The following ZNF799 variants were observed in gnomAD, a reference collection of about 807,000 sequenced individuals.
ZNF799 encodes zinc finger protein 799.
Under a neutral mutation model 41.0 loss-of-function variants are expected in ZNF799, and 28 were observed. The ratio of observed to expected loss-of-function variants is 0.68; its 90% CI spans 0.51 to 0.94. The LOEUF (loss-of-function observed/expected upper bound fraction) is 0.94, where lower values mean the gene tolerates loss of function less well. ZNF799 is among the 40% of genes least tolerant of loss of function. ZNF799 has a pLI of 0.00. For missense variants in ZNF799, 716 were observed against 764.3 expected, an observed-to-expected ratio of 0.94 and a Z score of 0.74; for synonymous variants, 213 against 252.9, an observed-to-expected ratio of 0.84 and a Z score of 1.50.
At position 12,390,662 on chromosome 19, in the gene ZNF799, T is replaced by G. The variant is rs1434483454; in HGVS notation, c.1736A>C (p.Glu579Ala). 6.2e-7 allele frequency: 1 copy of G among 1,613,886 alleles called. No individual in the cohort carries two copies. Among genetic ancestry groups the G allele is most frequent in the East Asian group, 2.2e-5 (1 of 44,874 alleles). ...FTHSRFLQGH[E>A]KTHTGENPYE... is the part of the protein sequence containing the mutation. ...CGGGTTCTCTCCAGTATGAGTTTTT[T>G]CATGTCCTTGAAGAAAACGGGAATG... Residue 579 changes from glutamate (E) to alanine (A), a missense_variant, in exon 4 of 4, where the codon GAA becomes GCA. Transcript: ENST00000430385.
chr19:12,402,416 C>CTTTTTTTTTTTTTTTTTTTTT (rs745521629), upstream of ZNF799, among the ~76,000 whole-genome samples: 7 of 125,048 alleles, frequency 5.6e-5, no homozygotes, highest in Non-Finnish European at 8.1e-5. Context: ...CCCTTTATTT[C>CTTTTTTTTTTTTTTTTTTTTT]TTTTTTTTTT....
At chr19:12,399,298 C>A (rs11882620) in intron 1 of ZNF799, among the ~76,000 whole-genome samples, 8,750 of 152,158 alleles carry the variant, frequency 0.058, 398 homozygotes, top group African/African-American at 0.12. Flanking sequence ...ACTACCTCAA[C>A]GGGCAGGTTC....
At chr19:12,413,581 T>C in the ZNF799 span, among the ~76,000 whole-genome samples, 1 of 152,340 alleles carries the variant, frequency 6.6e-6, no homozygotes, top group Non-Finnish European at 1.5e-5. Context: ...AAATAAAAGA[T>C]AAGTCTTTGT....
the ZNF799 span, among the ~76,000 whole-genome samples, chr19:12,411,435 C>A: frequency 6.6e-6 from 1 of 152,048 alleles, no homozygotes; most frequent in African/African-American, 2.4e-5. Flanking sequence ...TATTAGCAGG[C>A]AACGATATAA....
chr19:12,411,774 C>A, the ZNF799 span, among the ~76,000 whole-genome samples: 50,460 of 151,506 alleles, frequency 0.33, 8,948 homozygotes, highest in South Asian at 0.51. Flanking sequence ...CACCACACCC[C>A]GCTAATTTTT....
chr19:12,406,779 A>T, the ZNF799 span, among the ~76,000 whole-genome samples: 1 of 151,950 alleles, frequency 6.6e-6, no homozygotes, highest in African/African-American at 2.4e-5. Flanking sequence ...GGGCGCCTGT[A>T]GTCCCAGCTA....
rs771100504 is a variant in ZNF799, at chr19:12,391,708, A to C, written c.690T>G (p.Cys230Trp). ...TGEKPYECKQ[C>W]SKAFSFYSSY... ...AACTGTAAAAAGAAAAGGCTTTAGA[A>C]CACTGCTTACATTCATATGGTTTCT... The change falls in exon 4 of 4, where the codon TGT (cysteine) becomes TGG (tryptophan). Residue 230 changes from cysteine (C) to tryptophan (W), a missense_variant. Transcript: ENST00000430385. 6 of 1,614,110 alleles carry C rather than the reference A, an allele frequency of 3.7e-6. No individual in the cohort carries two copies. The highest frequency in any genetic ancestry group is 5.1e-6 in the Non-Finnish European group (6 of 1,180,016).
In ZNF799 at chr19:12,392,012, T is replaced by G; in HGVS notation, c.386A>C (p.Lys129Thr). Reference sequence around the variant, plus strand: ...TCCACATTCATGATACTCATATGGTTTGTGCCCAGCACCAACTCTGATGTA... The same window carrying G: ...TCCACATTCATGATACTCATATGGTGTGTGCCCAGCACCAACTCTGATGTA... Reference protein sequence around the residue: ...NCYIRVGAGHKPYEYHECGEK... With the variant: ...NCYIRVGAGHTPYEYHECGEK... Residue 129 changes from lysine to threonine, a missense_variant, in exon 4 of 4, where the codon AAA becomes ACA. Transcript: ENST00000430385. 1 of 1,614,224 alleles carries G rather than the reference T, an allele frequency of 6.2e-7. No homozygotes were observed. Among genetic ancestry groups the G allele is most frequent in the South Asian group, 1.1e-5 (1 of 91,082 alleles).
the ZNF799 span, among the ~76,000 whole-genome samples, chr19:12,413,026 C>A: frequency 8.1e-6 from 1 of 123,508 alleles, no homozygotes; most frequent in Admixed American, 1.0e-4. Context: ...CAGCATGGGC[C>A]ATAGAGCAAG....
At chr19:12,404,593 G>T (rs1970017452), upstream of ZNF799, among the ~76,000 whole-genome samples, 1 of 152,032 alleles carries the variant, frequency 6.6e-6, no homozygotes. Flanking sequence ...CCGGCCCTCA[G>T]TGCCAGTCTT....
In ZNF799 at chr19:12,391,006, T is replaced by G; in HGVS notation, c.1392A>C (p.Gln464His). 1.2e-6 allele frequency: 2 copies of G among 1,614,148 alleles called. No individual in the cohort carries two copies. Among genetic ancestry groups the G allele is most frequent in the South Asian group, 1.1e-5 (1 of 91,082 alleles). Residue 464 changes from glutamine (Q) to histidine (H), a missense_variant, in exon 4 of 4, where the codon CAA (glutamine) becomes CAC (histidine). Coordinates refer to ENST00000430385, the MANE Select transcript of ZNF799 (RefSeq NM_001080821.3). ...GKAFIDFYSF[Q>H]NHKTTHAGEK... is the part of the protein sequence containing the mutation. ...CTCCAGCATGAGTTGTTTTGTGATT[T>G]TGAAAGGAATAGAAATCAATAAAGG...
chr19:12,391,296 T>G lies in ZNF799; in HGVS notation c.1102A>C (p.Lys368Gln). The change falls in exon 4 of 4, where the codon AAG (lysine) becomes CAG (glutamine). Residue 368 changes from lysine (K) to glutamine (Q), a missense_variant. Around this residue, in one of 2 missense-constraint regions of ZNF799, gnomAD observed 698 missense variants for 713.6 expected, o/e 0.98. Coordinates refer to ENST00000430385, the MANE Select transcript of ZNF799 (RefSeq NM_001080821.3). Reference protein sequence around the residue: ...THTGEKLYECKQCGKALSHSS... With the variant: ...THTGEKLYECQQCGKALSHSS... Reference sequence around the variant, plus strand: ...TGAGATAACGCTTTCCCACACTGCTTGCATTCATAGAGTTTCTCTCCAGTG... The same window carrying G: ...TGAGATAACGCTTTCCCACACTGCTGGCATTCATAGAGTTTCTCTCCAGTG... 1.2e-6 allele frequency: 2 copies of G among 1,614,168 alleles called. No homozygotes were observed. The highest frequency in any genetic ancestry group is 2.2e-5 in the East Asian group (1 of 44,880).
chr19:12,408,125 G>A, the ZNF799 span, among the ~76,000 whole-genome samples: 3 of 152,232 alleles, frequency 2.0e-5, no homozygotes, highest in East Asian at 5.8e-4. Context: ...CTGCACTCCA[G>A]CATGTATGAG....
upstream of ZNF799, among the ~76,000 whole-genome samples, chr19:12,402,055 C>T (rs1451156408): frequency 6.6e-6 from 1 of 152,240 alleles, no homozygotes; most frequent in Non-Finnish European, 1.5e-5. Context: ...ACTACTTTTC[C>T]CAGCCTGTGG....
upstream of ZNF799, among the ~76,000 whole-genome samples, chr19:12,402,416 CTTTTTTT>C (rs745521629): frequency 1.6e-5 from 2 of 125,048 alleles, no homozygotes; most frequent in Admixed American, 1.8e-4. Context: ...CCCTTTATTT[CTTTTTTT>C]TTTTTTTTTT....
chr19:12,393,543 T>G, intron 1 of ZNF799, 120 bp from the exon 2 acceptor site: 4 of 1,379,670 alleles, frequency 2.9e-6, no homozygotes, highest in Non-Finnish European at 3.8e-6. Flanking sequence ...AATGACATGG[T>G]AAACCCACTC....
In ZNF799 at chr19:12,392,615, C is replaced by T. The variant is rs768266766; in HGVS notation, c.179G>A (p.Arg60Lys). Reference sequence around the variant, plus strand: ...GAGTATAAATTACCTTAGATTTTTCCTGGGATATCTATATTGATCTTCAAT... The same window carrying T: ...GAGTATAAATTACCTTAGATTTTTCTTGGGATATCTATATTGATCTTCAAT... ...QNIEDQYRYP[R>K]KNLRCRMLER... The change falls in exon 3 of 4, where the codon AGG becomes AAG. Residue 60 changes from arginine to lysine, a missense_variant. Arg to Lys is a conservative substitution (Grantham distance 26, BLOSUM62 2). This residue lies in a region of ZNF799 where 698 missense variants were observed against 713.6 expected (regional missense o/e 0.98). Coordinates refer to ENST00000430385, the MANE Select transcript of ZNF799 (RefSeq NM_001080821.3). 11 of 1,595,808 alleles carry T rather than the reference C, an allele frequency of 6.9e-6. No homozygotes were observed. The Admixed American group carries it at 1.7e-4, about 24-fold the overall frequency.
Position 12,391,705 on chromosome 19 carries a change from A to C in ZNF799, c.693T>G (p.Ser231=), listed in dbSNP as rs1452529639. Residue 231 remains serine (S), a synonymous_variant, in exon 4 of 4, where the codon TCT becomes TCG. Coordinates refer to ENST00000430385, the MANE Select transcript of ZNF799 (RefSeq NM_001080821.3). The part of the protein sequence containing the change: ...GEKPYECKQC[S]KAFSFYSSYL... The stretch of plus-strand genomic sequence containing the variant: ...AGGAACTGTAAAAAGAAAAGGCTTT[A>C]GAACACTGCTTACATTCATATGGTT... The C allele has an allele frequency of 1.9e-5, 30 of 1,613,992 alleles. No individual in the cohort carries two copies. The East Asian group carries it at 6.7e-4, about 36-fold the overall frequency.
At chr19:12,402,416 C>CTTTTTTTTTTTTTTT, upstream of ZNF799, among the ~76,000 whole-genome samples, 2 of 125,042 alleles carry the variant, frequency 1.6e-5, no homozygotes, top group Non-Finnish European at 3.2e-5. Context: ...CCCTTTATTT[C>CTTTTTTTTTTTTTTT]TTTTTTTTTT....
Sources: allele counts gnomAD v4.1 joint callset (sites outside exome capture counted in the v4.1 genomes callset), GRCh38; gene constraint gnomAD v4.1.1; regional missense constraint gnomAD v4.1.1; transcripts MANE v1.5; gene names NCBI Gene and HGNC (gene_info 2026-07-23, HGNC 2026-07-21).